The following TENM4 variants were observed in gnomAD, a reference collection of about 807,000 sequenced individuals.
TENM4 encodes teneurin transmembrane protein 4.
Under a neutral mutation model 243.3 loss-of-function variants are expected in TENM4, and 82 were observed. The observed-to-expected ratio is 0.34, with a 90% confidence interval of 0.28 to 0.40. The LOEUF is 0.40. Ranked by LOEUF, TENM4 falls within the 10% of genes least tolerant of loss-of-function variation. The pLI, the probability that TENM4 is intolerant of heterozygous loss-of-function variation, is 1.00. For missense variants in TENM4, 3,138 were observed against 3,673.3 expected (o/e 0.85, Z 3.77); for synonymous variants, 1,412 against 1,456.3 (o/e 0.97, Z 0.69).
chr11:79,129,862 G>T (rs1326016989), intron 4 of TENM4, among the ~76,000 whole-genome samples: 3 of 152,120 alleles, frequency 2.0e-5, no homozygotes, highest in Non-Finnish European at 4.4e-5. Context: ...ACCCACCGCT[G>T]GTTCCTCATC....
chr11:79,052,941 GCATGGTAACA>G (rs1231781294), intron 6 of TENM4, among the ~76,000 whole-genome samples: 2 of 152,234 alleles, frequency 1.3e-5, no homozygotes, highest in Non-Finnish European at 2.9e-5. Context: ...GCACTGGCAA[GCATGGTAACA>G]CATCACCGTT....
chr11:79,105,719 A>G (rs904991089), intron 4 of TENM4, among the ~76,000 whole-genome samples: 1 of 152,220 alleles, frequency 6.6e-6, no homozygotes, highest in Admixed American at 6.5e-5. Flanking sequence ...GAAGTAAAGA[A>G]GTCCCCAAAC....
intron 17 of TENM4, among the ~76,000 whole-genome samples, chr11:78,773,319 G>A (rs1297527829): frequency 7.9e-5 from 12 of 152,198 alleles, no homozygotes; most frequent in Non-Finnish European, 1.5e-5. Flanking sequence ...ACTCAGGCAT[G>A]TTATTGAATT....
intron 1 of TENM4, among the ~76,000 whole-genome samples, chr11:79,352,779 G>A (rs1202352814): frequency 6.6e-6 from 1 of 152,192 alleles, no homozygotes; most frequent in African/African-American, 2.4e-5. Context: ...GAGAGCGGGA[G>A]ACAAAAGGGC....
At chr11:78,730,249 G>C (rs1458718099) in intron 21 of TENM4, among the ~76,000 whole-genome samples, 1 of 152,224 alleles carries the variant, frequency 6.6e-6, no homozygotes, top group Non-Finnish European at 1.5e-5. Context: ...GCCATGAAGA[G>C]AGACTACTGC....
intron 6 of TENM4, among the ~76,000 whole-genome samples, chr11:78,962,458 G>T (rs1004496243): frequency 1.3e-5 from 2 of 151,110 alleles, no homozygotes; most frequent in South Asian, 2.1e-4. Context: ...CAACGGGAAG[G>T]GGGGGCTCCC....
At chr11:78,879,024 A>G (rs1164459945) in intron 9 of TENM4, among the ~76,000 whole-genome samples, 2 of 152,160 alleles carry the variant, frequency 1.3e-5, no homozygotes, top group Non-Finnish European at 2.9e-5. Flanking sequence ...CTGGGATGTG[A>G]GGAGCGTCTC....
At chr11:78,957,359 A>G (rs1416147218) in intron 6 of TENM4, among the ~76,000 whole-genome samples, 1 of 152,254 alleles carries the variant, frequency 6.6e-6, no homozygotes, top group African/African-American at 2.4e-5. Context: ...ATAGTGAAAG[A>G]AGACAAAAAT....
At chr11:78,816,390 T>C (rs990697009) in intron 12 of TENM4, among the ~76,000 whole-genome samples, 14 of 152,224 alleles carry the variant, frequency 9.2e-5, no homozygotes, top group African/African-American at 3.1e-4. Flanking sequence ...ACCAGCCCTA[T>C]CTTGGGATAG....
intron 14 of TENM4, among the ~76,000 whole-genome samples, chr11:78,810,611 A>G (rs1020355166): frequency 6.6e-6 from 1 of 152,240 alleles, no homozygotes; most frequent in African/African-American, 2.4e-5. Context: ...CAGACAGCCC[A>G]AAGTAATCCC....
At chr11:79,164,133 G>A (rs1282522217) in intron 3 of TENM4, among the ~76,000 whole-genome samples, 7 of 112,964 alleles carry the variant, frequency 6.2e-5, no homozygotes, top group Non-Finnish European at 1.2e-4. Flanking sequence ...TGTATATATA[G>A]TATATATGTA....
intron 16 of TENM4, among the ~76,000 whole-genome samples, chr11:78,785,387 C>T (rs1856914501): frequency 6.6e-6 from 1 of 152,116 alleles, no homozygotes; most frequent in Non-Finnish European, 1.5e-5. Flanking sequence ...GTGCAGCTGC[C>T]ACGACAGGGC....
intron 1 of TENM4, among the ~76,000 whole-genome samples, chr11:79,354,521 C>T (rs1857465824): frequency 6.6e-6 from 1 of 152,172 alleles, no homozygotes; most frequent in African/African-American, 2.4e-5. Flanking sequence ...TGCTTCAAAG[C>T]TTAAATTTAT....
At chr11:78,709,530 C>A (rs1859349511) in intron 26 of TENM4, among the ~76,000 whole-genome samples, 1 of 152,198 alleles carries the variant, frequency 6.6e-6, no homozygotes, top group African/African-American at 2.4e-5. Flanking sequence ...GTCTTCCCAG[C>A]TGTCAAACAA....
chr11:78,729,888 ATG>A (rs1855611248), intron 21 of TENM4, among the ~76,000 whole-genome samples: 1 of 152,116 alleles, frequency 6.6e-6, no homozygotes, highest in African/African-American at 2.4e-5. Flanking sequence ...GGAGTAAAAC[ATG>A]TCAGAGGACC....
At chr11:79,008,613 A>C (rs1374957203) in intron 6 of TENM4, among the ~76,000 whole-genome samples, 1 of 152,224 alleles carries the variant, frequency 6.6e-6, no homozygotes, top group African/African-American at 2.4e-5. Context: ...ATAATATTAC[A>C]TTAGCTTGGT....
In TENM4 at chr11:79,277,392, T is replaced by C. The variant is rs569498501; in HGVS notation, c.-265+20096A>G. On this transcript the variant is annotated intron_variant, in intron 2 of 33. Coordinates refer to ENST00000278550, the MANE Select transcript of TENM4 (RefSeq NM_001098816.3). ...TCATTGTATCTTTACAATAACTCTA[T>C]GAGAGGGGTAGAATTATCCCTATTT... Among the ~76,000 whole-genome samples the C allele has an allele frequency of 1.4e-3, 220 of 152,290 alleles. 1 individual carries two copies. The highest frequency in any genetic ancestry group is 4.8e-3 in the African/African-American group (201 of 41,562).
chr11:79,348,847 G>T (rs1377684515), intron 1 of TENM4, among the ~76,000 whole-genome samples: 1 of 152,110 alleles, frequency 6.6e-6, no homozygotes, highest in African/African-American at 2.4e-5. Flanking sequence ...CAGAAAATGG[G>T]GATAATTATA....
chr11:79,128,618 A>G (rs1301504800), intron 4 of TENM4, among the ~76,000 whole-genome samples: 1 of 152,222 alleles, frequency 6.6e-6, no homozygotes, highest in East Asian at 1.9e-4. Context: ...ATGATTCTGC[A>G]TGATATGCAT....
Sources: allele counts gnomAD v4.1 joint callset (sites outside exome capture counted in the v4.1 genomes callset), GRCh38; gene constraint gnomAD v4.1.1; transcripts MANE v1.5; gene names NCBI Gene and HGNC (gene_info 2026-07-23, HGNC 2026-07-21).